Variants in MLXIP observed in about 807,000 individuals in gnomAD.
The protein encoded by MLXIP is MLX interacting protein, also known as MLX-interacting protein.
A neutral mutation model predicts 87.2 loss-of-function variants in MLXIP; 30 were observed. That is an observed-to-expected ratio of 0.34 (90% CI 0.26 to 0.47). The LOEUF (loss-of-function observed/expected upper bound fraction) is 0.47, where lower values mean the gene tolerates loss of function less well. Ranked by LOEUF, MLXIP falls within the 20% of genes least tolerant of loss-of-function variation. The pLI, the probability that MLXIP is intolerant of heterozygous loss-of-function variation, is 1.00. For synonymous variants in MLXIP, 530 were observed against 514.0 expected, an observed-to-expected ratio of 1.03 and a Z score of -0.42; for missense variants, 1,002 against 1,240.1, an observed-to-expected ratio of 0.81 and a Z score of 2.88.
intron 1 of MLXIP, among the ~76,000 whole-genome samples, chr12:122,084,626 A>C (rs1383676653): frequency 6.6e-6 from 1 of 152,062 alleles, no homozygotes; most frequent in Non-Finnish European, 1.5e-5. Flanking sequence ...GGCTCACTGC[A>C]ACCTCTGCCT....
At chr12:122,129,350 T>A in intron 4 of MLXIP, 124 bp downstream of exon 4, 1 of 990,310 alleles carries the variant, frequency 1.0e-6, no homozygotes. Flanking sequence ...CGTCAAGCAG[T>A]AAATCTGGGG....
intron 1 of MLXIP, among the ~76,000 whole-genome samples, chr12:122,113,592 T>C (rs1480750352): frequency 6.6e-6 from 1 of 151,872 alleles, no homozygotes; most frequent in African/African-American, 2.4e-5. Context: ...TATCTTTATT[T>C]ATATACATAC....
At chr12:122,132,431 G>A in intron 8 of MLXIP, 48 bp downstream of exon 8, 2 of 1,457,998 alleles carry the variant, frequency 1.4e-6, no homozygotes, top group South Asian at 1.2e-5. Flanking sequence ...GCAGGCACAG[G>A]GCTGCTCATC....
At chr12:122,126,868 C>T (rs557987539) in intron 1 of MLXIP, among the ~76,000 whole-genome samples, 3 of 152,298 alleles carry the variant, frequency 2.0e-5, no homozygotes, top group Admixed American at 1.3e-4. Context: ...TAACAATGAA[C>T]AGCCCAAATG....
chr12:122,141,596 T>G, intron 16 of MLXIP, 95 bp from the exon 17 acceptor site: 5 of 1,544,696 alleles, frequency 3.2e-6, no homozygotes, highest in Non-Finnish European at 4.4e-6. Flanking sequence ...GCCCCGTGCC[T>G]GAGCATTCCC....
intron 1 of MLXIP, among the ~76,000 whole-genome samples, chr12:122,114,833 C>T (rs1006908098): frequency 2.0e-5 from 3 of 151,790 alleles, no homozygotes; most frequent in African/African-American, 4.8e-5. Flanking sequence ...TCAACCCCCA[C>T]CTCCCGGGTT....
At chr12:122,091,734 T>C (rs187757136) in intron 1 of MLXIP, among the ~76,000 whole-genome samples, 6 of 152,320 alleles carry the variant, frequency 3.9e-5, no homozygotes, top group Admixed American at 2.0e-4. Context: ...AAGCATCAAC[T>C]GCAGTTGACT....
chr12:122,129,120 C>G lies in MLXIP; in HGVS notation c.607-17C>G, dbSNP rs536239066. On this transcript the variant is annotated splice_polypyrimidine_tract_variant and intron_variant, in intron 3 of 16. Coordinates refer to ENST00000319080, the MANE Select transcript of MLXIP (RefSeq NM_014938.6). The stretch of plus-strand genomic sequence containing the variant: ...AGCAGAGCCCCCTCTTCACTCTGCT[C>G]TCTGTCCCTGTCCTAGGCCATCACC... 3 of 1,595,444 alleles carry G rather than the reference C, an allele frequency of 1.9e-6. No homozygotes were observed. The highest frequency in any genetic ancestry group is 2.3e-5 in the South Asian group (2 of 87,938).
chr12:122,107,539 C>A (rs942608963), intron 1 of MLXIP, among the ~76,000 whole-genome samples: 17 of 152,314 alleles, frequency 1.1e-4, no homozygotes, highest in African/African-American at 3.8e-4. Context: ...TGTATGAATT[C>A]TTTTTACTGA....
intron 11 of MLXIP, chr12:122,136,691 C>T (rs1025713269): frequency 2.6e-5 from 4 of 152,162 alleles, no homozygotes; most frequent in Non-Finnish European, 5.9e-5. Flanking sequence ...TCTCCCTCTT[C>T]CCTCAGGAAG....
At chr12:122,128,500 T>C (rs926225935) in intron 3 of MLXIP, 1 of 157,184 alleles carries the variant, frequency 6.4e-6, no homozygotes, top group Non-Finnish European at 1.4e-5. Context: ...GATATCATTT[T>C]GTTGGGTATG....
chr12:122,088,965 AG>A (rs1160977819), intron 1 of MLXIP, among the ~76,000 whole-genome samples: 2 of 140,038 alleles, frequency 1.4e-5, no homozygotes, highest in African/African-American at 2.7e-5. Context: ...TGAGCCCAGG[AG>A]TTTGAGACCA....
intron 15 of MLXIP, 137 bp from the exon 16 acceptor site, chr12:122,140,816 CT>C: frequency 3.0e-6 from 4 of 1,352,712 alleles, no homozygotes; most frequent in African/African-American, 1.4e-5. Flanking sequence ...ATCTCTCCCT[CT>C]TTTCCCCAGT....
intron 1 of MLXIP, among the ~76,000 whole-genome samples, chr12:122,086,254 A>G (rs977739695): frequency 1.3e-5 from 2 of 152,188 alleles, no homozygotes; most frequent in Non-Finnish European, 2.9e-5. Context: ...GTTCTAAGCC[A>G]CTAAGTTTGC....
chr12:122,102,996 C>A (rs1318753581), intron 1 of MLXIP, among the ~76,000 whole-genome samples: 1 of 152,056 alleles, frequency 6.6e-6, no homozygotes, highest in Non-Finnish European at 1.5e-5. Flanking sequence ...ATATATGAAA[C>A]ACGATTGAAT....
chr12:122,084,255 C>T (rs1565954720), intron 1 of MLXIP, among the ~76,000 whole-genome samples: 2 of 151,956 alleles, frequency 1.3e-5, no homozygotes, highest in East Asian at 1.9e-4. Context: ...TGTATCTCCC[C>T]TTTCGCTGTT....
At chr12:122,093,405 G>A (rs1003372170) in intron 1 of MLXIP, among the ~76,000 whole-genome samples, 14 of 144,698 alleles carry the variant, frequency 9.7e-5, no homozygotes, top group African/African-American at 3.3e-4. Context: ...TATGTGTGTG[G>A]TGTGTGTTGG....
In MLXIP at chr12:122,135,694, G is replaced by A. The variant is rs763838377; in HGVS notation, c.2032+28G>A. On this transcript the variant is annotated intron_variant, in intron 11 of 16. Transcript: ENST00000319080. This position sits in a 1 kb window ranked among gnomAD's most constrained non-coding sequence, Gnocchi z 5.3. ...GAGTGTTCACTCGGCGGGATGGTTG[G>A]GGCATCGCAAGGGAAGTAACTGGGC... 8 of 1,462,098 alleles carry A rather than the reference G, an allele frequency of 5.5e-6. No individual in the cohort carries two copies. 90.6% of individuals were successfully genotyped at this position (1,462,098 alleles called of 1,614,324 possible). A position where few individuals can be genotyped will look rare whatever the true frequency, so the allele number is the denominator to read the frequency against.
Position 122,137,441 on chromosome 12 carries a change from G to C in MLXIP, c.2033-28G>C. The C allele has an allele frequency of 5.0e-6, 8 of 1,599,314 alleles. No homozygotes were observed. In the South Asian group the frequency reaches 5.6e-5, roughly 11 times the overall value. ...GGTGGCGTTGAGGGGCCAGGCCTCCGCCCCTCAGAGGAGTCTGTTCTTACC... is the reference window on the plus strand; with the variant it reads ...GGTGGCGTTGAGGGGCCAGGCCTCCCCCCCTCAGAGGAGTCTGTTCTTACC... On this transcript the variant is annotated intron_variant, in intron 11 of 16. Transcript: ENST00000319080. The surrounding 1 kb of genome is among the most constrained non-coding windows in gnomAD (Gnocchi z 4.1).
Sources: allele counts gnomAD v4.1 joint callset (sites outside exome capture counted in the v4.1 genomes callset), GRCh38; gene constraint gnomAD v4.1.1; non-coding constraint Gnocchi (gnomAD v3.1); transcripts MANE v1.5; gene names NCBI Gene and HGNC (gene_info 2026-07-23, HGNC 2026-07-21).